The following DGKD variants were observed in gnomAD, a reference collection of about 807,000 sequenced individuals.
The protein encoded by DGKD is DAG kinase delta.
A neutral mutation model predicts 154.4 loss-of-function variants in DGKD; 68 were observed. That is an observed-to-expected ratio of 0.44 (90% CI 0.36 to 0.54). The LOEUF (loss-of-function observed/expected upper bound fraction) is 0.54, where lower values mean the gene tolerates loss of function less well. Ranked by LOEUF, DGKD falls within the 20% of genes least tolerant of loss-of-function variation. The probability of loss-of-function intolerance (pLI) is 0.00; values close to 1 mark genes in which losing one functional copy is unlikely to be tolerated. For synonymous variants in DGKD, 693 were observed against 638.0 expected (o/e 1.09, Z -1.30); for missense variants, 1,343 against 1,593.6 (o/e 0.84, Z 2.68).
At chr2:233,461,579 G>A (rs1305420402) in intron 24 of DGKD, among the ~76,000 whole-genome samples, 1 of 152,264 alleles carries the variant, frequency 6.6e-6, no homozygotes, top group African/African-American at 2.4e-5. Flanking sequence ...GGGGCTGGAG[G>A]ACTTCAGTTC....
intron 23 of DGKD, 55 bp from the exon 24 acceptor site, chr2:233,460,139 G>A (rs867611880): frequency 1.7e-5 from 27 of 1,594,814 alleles, no homozygotes; most frequent in Middle Eastern, 1.7e-4. Flanking sequence ...AGTGTCTGTC[G>A]CAGTCAGATG....
At chr2:233,460,932 C>T (rs943107243) in intron 24 of DGKD, among the ~76,000 whole-genome samples, 69 of 151,956 alleles carry the variant, frequency 4.5e-4, no homozygotes, top group African/African-American at 1.5e-3. Flanking sequence ...TGCCCTGGCT[C>T]CCGAGGGCAG....
At position 233,448,117 on chromosome 2, in the gene DGKD, G is replaced by A. The variant is rs1290742303; in HGVS notation, c.1450G>A (p.Val484Ile). 1 of 1,613,996 alleles carries A rather than the reference G, an allele frequency of 6.2e-7. No individual in the cohort carries two copies. Among genetic ancestry groups the A allele is most frequent in the East Asian group, 2.2e-5 (1 of 44,878 alleles). The part of the protein sequence containing the change: ...VQQILFYEDS[V>I]AAHLSKILTS... ...GCAGATTCTCTTCTATGAAGACTCG[G>A]TTGCAGCCCACCTTTCTAAAATCCT... Residue 484 changes from valine (V) to isoleucine (I), a missense_variant, in exon 13 of 30, where the codon GTT (valine) becomes ATT (isoleucine). This residue lies in a region of DGKD where 409 missense variants were observed against 446.0 expected (regional missense o/e 0.92). Coordinates refer to ENST00000264057, the MANE Select transcript of DGKD (RefSeq NM_152879.3).
At chr2:233,428,971 C>T (rs995160015) in intron 3 of DGKD, among the ~76,000 whole-genome samples, 1 of 152,190 alleles carries the variant, frequency 6.6e-6, no homozygotes, top group Non-Finnish European at 1.5e-5. Flanking sequence ...CTGCAAACAA[C>T]AGCACAGGTG....
intron 3 of DGKD, among the ~76,000 whole-genome samples, chr2:233,419,593 T>C (rs2062050947): frequency 6.6e-6 from 1 of 152,166 alleles, no homozygotes; most frequent in African/African-American, 2.4e-5. Context: ...TTTTAAGGTA[T>C]AGGCTTTGTG....
rs79944308 is a variant in DGKD, at chr2:233,461,272, T to A, written c.2981+927T>A. On this transcript the variant is annotated intron_variant, in intron 24 of 29. Transcript: ENST00000264057. ...CTGGTGCCCTGGTGTCCCTTTCTTG[T>A]TTCCCCTGGGCTCCTTCTTCTCCTG... Among the ~76,000 whole-genome samples the A allele has an allele frequency of 7.1e-3, 1,083 of 152,318 alleles. 14 individuals are homozygous for A. Among genetic ancestry groups the A allele is most frequent in the African/African-American group, 0.025 (1,024 of 41,584 alleles).
chr2:233,381,184 T>G (rs1377640515), intron 1 of DGKD, among the ~76,000 whole-genome samples: 1 of 152,208 alleles, frequency 6.6e-6, no homozygotes, highest in African/African-American at 2.4e-5. Flanking sequence ...GTTGGTGTCA[T>G]GAAGACGCTG....
At chr2:233,370,584 T>TG (rs1238733113) in intron 1 of DGKD, among the ~76,000 whole-genome samples, 1 of 149,790 alleles carries the variant, frequency 6.7e-6, no homozygotes, top group African/African-American at 2.5e-5. Context: ...TTTTTTTTTT[T>TG]TTTTTGTTTG....
chr2:233,386,128 A>T, intron 1 of DGKD: 3 of 328,098 alleles, frequency 9.1e-6, no homozygotes, highest in South Asian at 4.6e-5. Flanking sequence ...ATAACTTATA[A>T]CTTTTCTGGG....
At chr2:233,419,469 G>A in intron 3 of DGKD, 1 of 983,896 alleles carries the variant, frequency 1.0e-6, no homozygotes, top group Non-Finnish European at 1.2e-6. Flanking sequence ...AGGCTGTTGG[G>A]TGGTGAGTTC....
chr2:233,430,953 T>G (rs2062488552), intron 3 of DGKD, among the ~76,000 whole-genome samples: 1 of 152,176 alleles, frequency 6.6e-6, no homozygotes, highest in Admixed American at 6.5e-5. Context: ...TTGTATTTCT[T>G]CTGTGAGGAA....
chr2:233,426,445 C>T (rs1395750074), intron 3 of DGKD, among the ~76,000 whole-genome samples: 1 of 152,150 alleles, frequency 6.6e-6, no homozygotes, highest in East Asian at 1.9e-4. Context: ...CTGCAGCCCC[C>T]GGAATCCCTC....
At position 233,432,307 on chromosome 2, in the gene DGKD, T is replaced by C. The variant is rs113754716; in HGVS notation, c.349-2073T>C. ...TTGGGAGGCCAAGGTGGGCGGATCA[T>C]GAGGTCAGGAGATTGTGACCCTCCT... On this transcript the variant is annotated intron_variant, in intron 3 of 29. Coordinates refer to ENST00000264057, the MANE Select transcript of DGKD (RefSeq NM_152879.3). Among the ~76,000 whole-genome samples, 211 of 74,164 alleles carry C rather than the reference T, an allele frequency of 2.8e-3. 2 individuals carry two copies. The highest frequency in any genetic ancestry group is 5.4e-3 in the East Asian group (17 of 3,170). The allele number at this position is 74,164 out of a possible 152,430, so 48.7% of individuals were successfully genotyped here.
chr2:233,459,744 G>A lies in DGKD; in HGVS notation c.2695-13G>A, dbSNP rs1430927365. ...TTGGCTCAGCATGAGTAATGGCTAT[G>A]ATGTCTGCTCAGTGTCGCACGGTGA... On this transcript the variant is annotated splice_polypyrimidine_tract_variant and intron_variant, in intron 22 of 29. Transcript: ENST00000264057. This position sits in a 1 kb window ranked among gnomAD's most constrained non-coding sequence, Gnocchi z 5.7. 1 of 1,612,506 alleles carries A rather than the reference G, an allele frequency of 6.2e-7. No individual in the cohort carries two copies. Among genetic ancestry groups the A allele is most frequent in the Non-Finnish European group, 8.5e-7 (1 of 1,179,274 alleles).
Position 233,419,852 on chromosome 2 carries a change from T to C in DGKD, c.349-14528T>C, listed in dbSNP as rs538496647. On this transcript the variant is annotated intron_variant, in intron 3 of 29. Transcript: ENST00000264057. ...CCTGTGTGCTTTGAGGTTTCTAGGGTGTGATGTTGGTTTGTGGTTTGTGGA... is the reference window on the plus strand; with the variant it reads ...CCTGTGTGCTTTGAGGTTTCTAGGGCGTGATGTTGGTTTGTGGTTTGTGGA... 8.6e-5 allele frequency among the ~76,000 whole-genome samples: 13 copies of C among 152,032 alleles called. No individual in the cohort carries two copies. In the South Asian group the frequency reaches 2.7e-3, roughly 32 times the overall value.
chr2:233,434,364 C>A lies in DGKD; in HGVS notation c.349-16C>A, dbSNP rs767255891. The A allele has an allele frequency of 1.2e-5, 20 of 1,606,722 alleles. No homozygotes were observed. The South Asian group carries it at 2.2e-4, about 18-fold the overall frequency. ...CCTTTTGTTCATGGATCTGTTGAAC[C>A]TGTTTCTTTCTCTAGGTCATAACTC... On this transcript the variant is annotated splice_polypyrimidine_tract_variant and intron_variant, in intron 3 of 29. Coordinates refer to ENST00000264057, the MANE Select transcript of DGKD (RefSeq NM_152879.3).
At chr2:233,448,655 TCC>T (rs2063165343) in intron 14 of DGKD, among the ~76,000 whole-genome samples, 1 of 152,212 alleles carries the variant, frequency 6.6e-6, no homozygotes, top group African/African-American at 2.4e-5. Context: ...CCTAGAAGTA[TCC>T]CATTGGCCAC....
At chr2:233,447,186 C>A (rs899337568) in intron 12 of DGKD, among the ~76,000 whole-genome samples, 6 of 75,960 alleles carry the variant, frequency 7.9e-5, no homozygotes, top group Admixed American at 6.1e-4. Context: ...CCGCGGCTCT[C>A]CCCTAGCCCC....
chr2:233,447,503 A>G (rs2063121615), intron 12 of DGKD: 4 of 984,532 alleles, frequency 4.1e-6, no homozygotes, highest in South Asian at 4.7e-5. Flanking sequence ...TACATTTTTT[A>G]TTTTTCCTTT....
Sources: allele counts gnomAD v4.1 joint callset (sites outside exome capture counted in the v4.1 genomes callset), GRCh38; gene constraint gnomAD v4.1.1; regional missense constraint gnomAD v4.1.1; non-coding constraint Gnocchi (gnomAD v3.1); transcripts MANE v1.5; gene names NCBI Gene and HGNC (gene_info 2026-07-23, HGNC 2026-07-21).